MYOM1: variants seen among roughly 807,000 people sequenced by gnomAD.
MYOM1 encodes the protein myomesin-1.
MYOM1 carries 164 observed loss-of-function variants against 205.3 expected under a neutral mutation model. The ratio of observed to expected loss-of-function variants is 0.80; its 90% CI spans 0.70 to 0.91. MYOM1 has a LOEUF of 0.91. Ranked by LOEUF, MYOM1 falls within the 40% of genes least tolerant of loss-of-function variation. The pLI is 0.00. For missense variants in MYOM1, 2,011 were observed against 2,127.3 expected (o/e 0.95, Z 1.08); for synonymous variants, 772 against 789.4 (o/e 0.98, Z 0.37).
intron 5 of MYOM1, among the ~76,000 whole-genome samples, chr18:3,184,143 T>C (rs915926095): frequency 6.6e-6 from 1 of 152,144 alleles, no homozygotes. Flanking sequence ...TGGCCTCAAG[T>C]GATCTGCCCA....
chr18:3,196,009 T>C (rs1190645923), intron 2 of MYOM1, among the ~76,000 whole-genome samples: 3 of 152,310 alleles, frequency 2.0e-5, no homozygotes, highest in Admixed American at 1.3e-4. Flanking sequence ...ATAGTACTGC[T>C]TAGAAAACGC....
At chr18:3,244,392 C>A in the MYOM1 span, among the ~76,000 whole-genome samples, 1 of 152,150 alleles carries the variant, frequency 6.6e-6, no homozygotes, top group Non-Finnish European at 1.5e-5. Flanking sequence ...GGCCTAACCC[C>A]CAGTGTGACT....
the MYOM1 span, among the ~76,000 whole-genome samples, chr18:3,241,814 T>C: frequency 6.6e-6 from 1 of 152,188 alleles, no homozygotes; most frequent in African/African-American, 2.4e-5. Context: ...GGAGCAGAGC[T>C]TCCCAAGACC....
chr18:3,188,590 C>T (rs568872932), intron 4 of MYOM1, among the ~76,000 whole-genome samples, 158 bp downstream of exon 4: 2 of 151,808 alleles, frequency 1.3e-5, no homozygotes, highest in Admixed American at 1.3e-4. Flanking sequence ...GACTGCGCCA[C>T]TGCACTCCAA....
intron 29 of MYOM1, among the ~76,000 whole-genome samples, chr18:3,087,935 G>A (rs2079174067): frequency 6.6e-6 from 1 of 152,208 alleles, no homozygotes; most frequent in Non-Finnish European, 1.5e-5. Flanking sequence ...TACAGGAATT[G>A]CCACAGTAAC....
Position 3,152,772 on chromosome 18 carries a change from T to A in MYOM1, c.1644-879A>T, listed in dbSNP as rs1319739069. 1.3e-5 allele frequency among the ~76,000 whole-genome samples: 2 copies of A among 152,120 alleles called. No individual in the cohort carries two copies. The highest frequency in any genetic ancestry group is 3.8e-4 in the East Asian group (2 of 5,202). On this transcript the variant is annotated intron_variant, in intron 11 of 37. Coordinates refer to ENST00000356443, the MANE Select transcript of MYOM1 (RefSeq NM_003803.4). This position sits in a 1 kb window ranked among gnomAD's most constrained non-coding sequence, Gnocchi z 4.3. ...ATGTCCAAAATGTGTAATTCCCAAA[T>A]GATTCTCAGGGGCGTGGGGGTTGCC...
intron 21 of MYOM1, among the ~76,000 whole-genome samples, chr18:3,114,888 C>T (rs573767856): frequency 5.7e-4 from 87 of 152,082 alleles, no homozygotes; most frequent in African/African-American, 2.0e-3. Flanking sequence ...GTTAAAATTC[C>T]CGTTATTCTT....
intron 19 of MYOM1, among the ~76,000 whole-genome samples, chr18:3,122,400 C>G (rs1226782629): frequency 6.6e-6 from 1 of 152,048 alleles, no homozygotes; most frequent in Non-Finnish European, 1.5e-5. Context: ...GCAATATAGA[C>G]TTTAAGGTAA....
In MYOM1 at chr18:3,079,167, A is replaced by G. The variant is rs752380689; in HGVS notation, c.4648+12T>C. On this transcript the variant is annotated intron_variant, in intron 34 of 37. Transcript: ENST00000356443. ...TCTAGAGTAAATTTGAATCTGCAAAATATCTGTTTACCTTGTCCAGAGAGA... is the reference window on the plus strand; with the variant it reads ...TCTAGAGTAAATTTGAATCTGCAAAGTATCTGTTTACCTTGTCCAGAGAGA... 2 of 1,613,070 alleles carry G rather than the reference A, an allele frequency of 1.2e-6. No homozygotes were observed. Among genetic ancestry groups the G allele is most frequent in the African/African-American group, 1.3e-5 (1 of 74,970 alleles).
chr18:3,140,490 T>C (rs1400693610), intron 14 of MYOM1, among the ~76,000 whole-genome samples: 1 of 152,210 alleles, frequency 6.6e-6, no homozygotes, highest in Non-Finnish European at 1.5e-5. Flanking sequence ...TTAAATATTG[T>C]CTTTGTAAAA....
chr18:3,193,355 T>TACACATATAC (rs568716182), intron 3 of MYOM1, among the ~76,000 whole-genome samples: 2 of 99,782 alleles, frequency 2.0e-5, no homozygotes, highest in African/African-American at 7.0e-5. Context: ...TACATATATA[T>TACACATATAC]ATATATACAC....
At chr18:3,232,925 C>T in the MYOM1 span, among the ~76,000 whole-genome samples, 101 of 152,192 alleles carry the variant, frequency 6.6e-4, no homozygotes, top group Middle Eastern at 0.01. Context: ...TATTTTTAAA[C>T]GTAGTACAAT....
At chr18:3,138,721 C>T (rs150700308) in intron 14 of MYOM1, among the ~76,000 whole-genome samples, 290 of 152,190 alleles carry the variant, frequency 1.9e-3, no homozygotes, top group African/African-American at 6.3e-3. Flanking sequence ...TTCACTGTGC[C>T]GAAAACTTTA....
intron 16 of MYOM1, among the ~76,000 whole-genome samples, chr18:3,133,692 G>C (rs2079910004): frequency 1.3e-5 from 2 of 151,760 alleles, no homozygotes. Flanking sequence ...AAATCAGAGG[G>C]GTAAAAAAGG....
intron 16 of MYOM1, among the ~76,000 whole-genome samples, chr18:3,133,118 G>A (rs745939226): frequency 8.6e-5 from 13 of 151,928 alleles, no homozygotes; most frequent in African/African-American, 2.9e-4. Flanking sequence ...TCCTGCCTAC[G>A]CACCACCAGC....
At chr18:3,112,468 T>G in intron 21 of MYOM1, 56 bp from the exon 22 acceptor site, 1 of 1,392,556 alleles carries the variant, frequency 7.2e-7, no homozygotes, top group Admixed American at 2.1e-5. Flanking sequence ...GGCTGTTTTA[T>G]GTCATTTAAA....
At chr18:3,129,198 A>G (rs892471566) in intron 18 of MYOM1, 34 bp downstream of exon 18, 1 of 1,596,220 alleles carries the variant, frequency 6.3e-7, no homozygotes. Flanking sequence ...AGTGATGGAG[A>G]CGGATGGAAC....
chr18:3,194,640 G>A (rs2080968465), intron 2 of MYOM1, among the ~76,000 whole-genome samples: 1 of 152,164 alleles, frequency 6.6e-6, no homozygotes, highest in Non-Finnish European at 1.5e-5. Context: ...TGGAAAACAT[G>A]AGAGCAGAGA....
chr18:3,070,736 T>TTGTGTGTGTG (rs57044157), intron 37 of MYOM1, among the ~76,000 whole-genome samples: 190 of 146,202 alleles, frequency 1.3e-3, no homozygotes, highest in Non-Finnish European at 2.0e-3. Flanking sequence ...TGCATGTTCT[T>TTGTGTGTGTG]TGTGTGTGTG....
Sources: allele counts gnomAD v4.1 joint callset (sites outside exome capture counted in the v4.1 genomes callset), GRCh38; gene constraint gnomAD v4.1.1; non-coding constraint Gnocchi (gnomAD v3.1); transcripts MANE v1.5; gene names NCBI Gene and HGNC (gene_info 2026-07-23, HGNC 2026-07-21).